MEIKIN: variants seen among roughly 807,000 people sequenced by gnomAD.
MEIKIN encodes meiotic kinetochore factor, also known as meiosis-specific kinetochore protein.
chr5:131,833,865 C>T (rs769356042), intron 11 of MEIKIN, among the ~76,000 whole-genome samples: 2 of 152,122 alleles, frequency 1.3e-5, no homozygotes, highest in African/African-American at 2.4e-5. Flanking sequence ...TTAATGTCTA[C>T]CAAGCTCTAC....
intron 8 of MEIKIN, among the ~76,000 whole-genome samples, chr5:131,891,258 T>G (rs551866109): frequency 6.6e-6 from 1 of 152,292 alleles, no homozygotes; most frequent in East Asian, 1.9e-4. Context: ...CTGAGTTCAA[T>G]TCCTGTATGT....
chr5:131,843,206 G>A (rs1749949087), intron 11 of MEIKIN, among the ~76,000 whole-genome samples: 3 of 152,352 alleles, frequency 2.0e-5, no homozygotes, highest in Middle Eastern at 3.4e-3. Context: ...TCCCTCCCAG[G>A]CCTCCAGGCC....
intron 12 of MEIKIN, among the ~76,000 whole-genome samples, 152 bp from the exon 13 acceptor site, chr5:131,807,410 T>TA (rs879628169): frequency 1.1e-3 from 162 of 146,700 alleles, no homozygotes; most frequent in Middle Eastern, 3.5e-3. Context: ...AGAGGCCATT[T>TA]AAAAAAAAAA....
rs1749995385 is a variant in MEIKIN at position 131,845,272 on chromosome 5, T to TTAAAAAAAAAA, written c.975+5991_975+5992insTTTTTTTTTTA. On this transcript the variant is annotated intron_variant, in intron 11 of 12. Coordinates refer to ENST00000442687, the MANE Select transcript of MEIKIN (RefSeq NM_001303622.2). Reference sequence around the variant, plus strand: ...GTGACAGAGCGAGAAGACTTCGTCTTAAAAAAAAAAAAAAAAAAAAAAAAA... The same window carrying TTAAAAAAAAAA: ...GTGACAGAGCGAGAAGACTTCGTCTTTAAAAAAAAAAAAAAAAAAAAAAAAAAAAAAAAAAA... 1.3e-4 allele frequency among the ~76,000 whole-genome samples: 6 copies of TTAAAAAAAAAA among 45,360 alleles called. 1 individual carries two copies. Among genetic ancestry groups the TTAAAAAAAAAA allele is most frequent in the African/African-American group, 5.6e-4 (4 of 7,162 alleles). 29.8% of individuals were successfully genotyped at this position (45,360 alleles called of 152,430 possible).
At chr5:131,816,755 T>C (rs1026847066) in intron 12 of MEIKIN, among the ~76,000 whole-genome samples, 1 of 152,232 alleles carries the variant, frequency 6.6e-6, no homozygotes, top group Non-Finnish European at 1.5e-5. Flanking sequence ...TTATCAGAGA[T>C]AGAGATAGAA....
intron 8 of MEIKIN, among the ~76,000 whole-genome samples, chr5:131,887,591 T>A (rs970269906): frequency 2.6e-5 from 4 of 152,226 alleles, no homozygotes; most frequent in African/African-American, 9.6e-5. Flanking sequence ...TGACCAGCGA[T>A]GATGAGCATT....
intron 11 of MEIKIN, among the ~76,000 whole-genome samples, chr5:131,821,936 C>G (rs1312369975): frequency 6.6e-6 from 1 of 151,998 alleles, no homozygotes; most frequent in South Asian, 2.1e-4. Context: ...CTCTCTTTAG[C>G]TCTACTAATA....
chr5:131,942,821 T>C (rs1010646627), intron 3 of MEIKIN, 126 bp from the exon 4 acceptor site: 1 of 376,468 alleles, frequency 2.7e-6, no homozygotes, highest in Non-Finnish European at 4.7e-6. Context: ...ATATATATAA[T>C]ACATTCATTC....
In MEIKIN at chr5:131,855,622, A is replaced by C. The variant is rs556104838; in HGVS notation, c.775-788T>G. On this transcript the variant is annotated intron_variant, in intron 9 of 12. Transcript: ENST00000442687. ...AGGTAGGAGAGGAAGAATGAAAAGC[A>C]AAAGACAGAGAAGGAGAGAAAAAGA... is the stretch of plus-strand genomic sequence containing the variant. Among the ~76,000 whole-genome samples the C allele has an allele frequency of 1.9e-3, 288 of 152,190 alleles. 1 individual carries two copies. Among genetic ancestry groups the C allele is most frequent in the African/African-American group, 6.7e-3 (279 of 41,546 alleles).
intron 11 of MEIKIN, among the ~76,000 whole-genome samples, chr5:131,837,301 C>T (rs1244853786): frequency 6.6e-6 from 1 of 152,118 alleles, no homozygotes; most frequent in African/African-American, 2.4e-5. Flanking sequence ...TGTGATACTT[C>T]CCCCTTTGTT....
At chr5:131,809,862 G>C (rs564914032) in intron 12 of MEIKIN, among the ~76,000 whole-genome samples, 2 of 149,742 alleles carry the variant, frequency 1.3e-5, no homozygotes, top group Admixed American at 6.6e-5. Context: ...GTTTTCAAAA[G>C]GGAGATGAAG....
intron 11 of MEIKIN, among the ~76,000 whole-genome samples, chr5:131,823,615 G>T (rs1026969616): frequency 3.3e-5 from 5 of 151,950 alleles, no homozygotes; most frequent in Non-Finnish European, 5.9e-5. Flanking sequence ...GAATTTCATT[G>T]AATTTCCTCA....
At chr5:131,928,349 C>T (rs1235157508) in intron 5 of MEIKIN, among the ~76,000 whole-genome samples, 7 of 152,034 alleles carry the variant, frequency 4.6e-5, no homozygotes, top group Admixed American at 4.6e-4. Flanking sequence ...TCCTTTAGTG[C>T]TGCCTTTGTG....
At chr5:131,840,063 T>C (rs1366151540) in intron 11 of MEIKIN, among the ~76,000 whole-genome samples, 2 of 152,168 alleles carry the variant, frequency 1.3e-5, no homozygotes, top group Admixed American at 6.6e-5. Context: ...ATAAATTCCC[T>C]CTGGTGAAAA....
chr5:131,885,366 AGAGAGAGAGAGAG>A lies in MEIKIN; in HGVS notation c.704-6331_704-6319del, dbSNP rs1750769804. 3.9e-3 allele frequency among the ~76,000 whole-genome samples: 271 copies of A among 69,056 alleles called. 15 individuals are homozygous for A. Among genetic ancestry groups the A allele is most frequent in the African/African-American group, 8.6e-3 (188 of 21,922 alleles). The allele number at this position is 69,056 out of a possible 152,430, so 45.3% of individuals were successfully genotyped here. A position where few individuals can be genotyped will look rare whatever the true frequency, so the allele number is the denominator to read the frequency against. On this transcript the variant is annotated intron_variant, in intron 8 of 12. Coordinates refer to ENST00000442687, the MANE Select transcript of MEIKIN (RefSeq NM_001303622.2). ...AAGAGAGAGAGAGAGAGAGAGAGAG[AGAGAGAGAGAGAG>A]AGAGAGAGAGAGAGAGAGAGAGAGA... is the stretch of plus-strand genomic sequence containing the variant.
chr5:131,881,761 G>T (rs1202432860), intron 8 of MEIKIN, among the ~76,000 whole-genome samples: 1 of 151,986 alleles, frequency 6.6e-6, no homozygotes, highest in African/African-American at 2.4e-5. Flanking sequence ...AATATTTCCA[G>T]CACCTGGGAA....
chr5:131,940,466 C>T (rs1561761118), intron 4 of MEIKIN, among the ~76,000 whole-genome samples: 1 of 152,074 alleles, frequency 6.6e-6, no homozygotes, highest in East Asian at 1.9e-4. Context: ...GATTCAGCGG[C>T]CTCTGGTATC....
chr5:131,859,868 C>G (rs1043945150), intron 9 of MEIKIN, among the ~76,000 whole-genome samples: 1 of 152,018 alleles, frequency 6.6e-6, no homozygotes, highest in Non-Finnish European at 1.5e-5. Flanking sequence ...GCTGTAAATA[C>G]GTGGATTCAT....
At chr5:131,914,169 A>G (rs1188501649) in intron 7 of MEIKIN, among the ~76,000 whole-genome samples, 1 of 152,132 alleles carries the variant, frequency 6.6e-6, no homozygotes, top group African/African-American at 2.4e-5. Context: ...ATCAGCAAGA[A>G]GGCCCTCACT....
Sources: allele counts gnomAD v4.1 joint callset (sites outside exome capture counted in the v4.1 genomes callset), GRCh38; gene constraint gnomAD v4.1.1; transcripts MANE v1.5; gene names NCBI Gene and HGNC (gene_info 2026-07-23, HGNC 2026-07-21).